COLEC10: variants seen among roughly 807,000 people sequenced by gnomAD.
COLEC10 encodes the protein collectin subfamily member 10, also known as collectin-10.
In COLEC10, 22 loss-of-function variants were observed where a neutral mutation model predicts 28.4. The ratio of observed to expected loss-of-function variants is 0.78; its 90% confidence interval spans 0.55 to 1.11. The LOEUF (loss-of-function observed/expected upper bound fraction) is 1.11, where lower values mean the gene tolerates loss of function less well. Among genes scored for constraint, COLEC10 ranks in the 50% least tolerant of loss-of-function variants. The probability of loss-of-function intolerance (pLI) is 0.00; values close to 1 mark genes in which losing one functional copy is unlikely to be tolerated. For missense variants in COLEC10, 361 were observed against 344.1 expected, an observed-to-expected ratio of 1.05 and a Z score of -0.39; for synonymous variants, 125 against 116.1, an observed-to-expected ratio of 1.08 and a Z score of -0.49.
At chr8:119,040,901 A>G (rs1814482800) in intron 2 of COLEC10, among the ~76,000 whole-genome samples, 1 of 152,152 alleles carries the variant, frequency 6.6e-6, no homozygotes, top group Admixed American at 6.5e-5. Flanking sequence ...CTGTTCTTCT[A>G]TTTGTCAAAC....
intron 2 of COLEC10, among the ~76,000 whole-genome samples, chr8:119,034,656 C>A (rs1814355488): frequency 6.6e-6 from 1 of 152,142 alleles, no homozygotes; most frequent in Admixed American, 6.5e-5. Flanking sequence ...TTGCAGTGAG[C>A]CAAGACCGCG....
chr8:119,002,616 G>A (rs556818401), intron 1 of COLEC10, among the ~76,000 whole-genome samples: 99 of 152,160 alleles, frequency 6.5e-4, no homozygotes, highest in Middle Eastern at 3.4e-3. Flanking sequence ...CTGAATGATG[G>A]CATTTCATTT....
the COLEC10 span, among the ~76,000 whole-genome samples, chr8:118,989,348 A>C: frequency 6.6e-6 from 1 of 152,132 alleles, no homozygotes. Flanking sequence ...GAGAAAATCC[A>C]AACTATGTGA....
chr8:119,012,395 T>C (rs775587351), intron 2 of COLEC10, among the ~76,000 whole-genome samples: 1 of 150,732 alleles, frequency 6.6e-6, no homozygotes, highest in Non-Finnish European at 1.5e-5. Context: ...GATTTTTGCA[T>C]ATATGTTCAT....
chr8:119,016,340 C>T (rs1042644248), intron 2 of COLEC10, among the ~76,000 whole-genome samples: 1 of 152,136 alleles, frequency 6.6e-6, no homozygotes, highest in African/African-American at 2.4e-5. Context: ...ATCCACTTCC[C>T]TGCAAAGGAC....
chr8:118,971,460 T>A, the COLEC10 span, among the ~76,000 whole-genome samples: 1 of 151,986 alleles, frequency 6.6e-6, no homozygotes, highest in Non-Finnish European at 1.5e-5. Context: ...CAATAGCTTA[T>A]TAAATCTTCC....
In COLEC10 at chr8:119,106,091, A is replaced by T. The variant is rs1448390519; in HGVS notation, c.734A>T (p.His245Leu). ...GGGGAACCCAGCGACCCCTATGGTCATGAGGACTGTGTGGAGATGCTGAGC... is the reference window on the plus strand; with the variant it reads ...GGGGAACCCAGCGACCCCTATGGTCTTGAGGACTGTGTGGAGATGCTGAGC... The part of the protein sequence containing the change: ...NEGEPSDPYG[H>L]EDCVEMLSSG... Residue 245 changes from histidine (H) to leucine (L), a missense_variant, in exon 6 of 6, where the codon CAT becomes CTT. By Grantham distance (99) the His-to-Leu change is moderately conservative. Coordinates refer to ENST00000332843, the MANE Select transcript of COLEC10 (RefSeq NM_006438.5). 3 of 1,613,786 alleles carry T rather than the reference A, an allele frequency of 1.9e-6. No homozygotes were observed. The highest frequency in any genetic ancestry group is 2.5e-6 in the Non-Finnish European group (3 of 1,179,874).
At chr8:119,033,171 G>C (rs925970484) in intron 2 of COLEC10, among the ~76,000 whole-genome samples, 3 of 152,116 alleles carry the variant, frequency 2.0e-5, no homozygotes, top group Non-Finnish European at 4.4e-5. Flanking sequence ...TCTAACTTTG[G>C]TCTTTTACAT....
At position 119,105,856 on chromosome 8, in the gene COLEC10, A is replaced by G; in HGVS notation, c.499A>G (p.Lys167Glu). The G allele has an allele frequency of 6.2e-7, 1 of 1,613,674 alleles. No individual in the cohort carries two copies. The change falls in exon 6 of 6, where the codon AAG becomes GAG. Residue 167 changes from lysine to glutamate, a missense_variant. Transcript: ENST00000332843. ...EKFYYIVQEE[K>E]NYRESLTHCR... ...ATTCTACTACATCGTGCAGGAAGAG[A>G]AGAACTACAGGGAATCCCTAACCCA... is the stretch of plus-strand genomic sequence containing the variant.
At chr8:119,080,518 A>G (rs1815347279) in intron 1 of COLEC10, among the ~76,000 whole-genome samples, 1 of 152,206 alleles carries the variant, frequency 6.6e-6, no homozygotes, top group African/African-American at 2.4e-5. Context: ...TATCAAGGAT[A>G]TAACTCCATC....
chr8:119,076,690 C>T (rs951954834), intron 1 of COLEC10, among the ~76,000 whole-genome samples: 2 of 152,164 alleles, frequency 1.3e-5, no homozygotes, highest in African/African-American at 4.8e-5. Context: ...GCATTGAGTG[C>T]AGTCAAAAAT....
At chr8:119,003,556 T>C (rs554294372) in intron 1 of COLEC10, among the ~76,000 whole-genome samples, 106 of 152,160 alleles carry the variant, frequency 7.0e-4, no homozygotes, top group African/African-American at 2.5e-3. Flanking sequence ...TTGAGTTATG[T>C]AAAGTTGGGT....
intron 2 of COLEC10, among the ~76,000 whole-genome samples, chr8:119,016,526 C>T (rs1010454478): frequency 2.6e-5 from 4 of 151,900 alleles, no homozygotes; most frequent in African/African-American, 9.7e-5. Flanking sequence ...ATTTATAATC[C>T]TTTGAGTATA....
chr8:119,014,688 T>C (rs1317987278), intron 2 of COLEC10, among the ~76,000 whole-genome samples: 1 of 151,098 alleles, frequency 6.6e-6, no homozygotes, highest in Middle Eastern at 3.2e-3. Flanking sequence ...GTATATCCAT[T>C]AGAGATGTGT....
At chr8:118,976,622 G>A in the COLEC10 span, 9 of 152,328 alleles carry the variant, frequency 5.9e-5, no homozygotes, top group Admixed American at 5.2e-4. Context: ...ATATTTTTAC[G>A]TTAGACCTAA....
In COLEC10 at chr8:119,018,231, A is replaced by G. The variant is rs535576422; in HGVS notation, n.235+8678A>G. Among the ~76,000 whole-genome samples, 10 of 152,302 alleles carry G rather than the reference A, an allele frequency of 6.6e-5. No individual in the cohort carries two copies. The South Asian group carries it at 1.9e-3, about 28-fold the overall frequency. ...AAGAAGAAATTATTCTTTCGCCCCT[A>G]GGGTCACTTGGTAGCTAAAACAGAC... is the stretch of plus-strand genomic sequence containing the variant. On this transcript the variant is annotated intron_variant and non_coding_transcript_variant, in intron 2 of 6. Coordinates refer to the COLEC10 transcript ENST00000521788.
At chr8:119,045,560 A>G (rs1335763701) in intron 2 of COLEC10, among the ~76,000 whole-genome samples, 1 of 152,194 alleles carries the variant, frequency 6.6e-6, no homozygotes, top group Admixed American at 6.5e-5. Flanking sequence ...TTACTTTTTG[A>G]CTGCTTATAT....
At chr8:118,997,836 G>A (rs1055576608) in intron 1 of COLEC10, among the ~76,000 whole-genome samples, 7 of 152,302 alleles carry the variant, frequency 4.6e-5, no homozygotes, top group Middle Eastern at 3.4e-3. Context: ...GTAGATTAAG[G>A]CATGCACCTG....
chr8:119,000,456 A>G (rs1813673747), intron 1 of COLEC10, among the ~76,000 whole-genome samples: 1 of 152,124 alleles, frequency 6.6e-6, no homozygotes, highest in Non-Finnish European at 1.5e-5. Context: ...AGATACAGGC[A>G]CAGACCAAGT....
Sources: gnomAD v4.1 joint callset for allele counts (sites outside exome capture counted in the v4.1 genomes callset) on GRCh38, gnomAD v4.1.1 for gene constraint, MANE v1.5 for transcripts, NCBI Gene and HGNC (gene_info 2026-07-23, HGNC 2026-07-21) for gene names.